Variants in VKORC1L1 observed in about 807,000 individuals in gnomAD.
VKORC1L1 encodes the protein vitamin K epoxide reductase complex subunit 1L1.
VKORC1L1 carries 2 observed loss-of-function variants against 18.9 expected under a neutral mutation model. That is an observed-to-expected ratio of 0.11 (90% CI 0.04 to 0.33). The LOEUF is 0.33. Ranked by LOEUF, VKORC1L1 falls within the 10% of genes least tolerant of loss-of-function variation. VKORC1L1 has a pLI of 1.00. For synonymous variants in VKORC1L1, 96 were observed against 100.0 expected (o/e 0.96, Z 0.24); for missense variants, 123 against 224.1 (o/e 0.55, Z 2.88).
chr7:65,910,535 C>G (rs1789485849), intron 1 of VKORC1L1, among the ~76,000 whole-genome samples: 1 of 152,142 alleles, frequency 6.6e-6, no homozygotes, highest in Admixed American at 6.6e-5. Flanking sequence ...ATCGTTTTAC[C>G]CAGTTCAGAA....
chr7:65,938,647 G>T (rs1319028291), intron 1 of VKORC1L1, among the ~76,000 whole-genome samples: 1 of 152,168 alleles, frequency 6.6e-6, no homozygotes. Flanking sequence ...ACCTCTGAAC[G>T]CAGGATGGTG....
rs950125917 is a variant in VKORC1L1, at chr7:65,873,237, C to CGCGGCG, written c.-121_-116dup. 4.9e-5 allele frequency: 47 copies of CGCGGCG among 964,374 alleles called. No homozygotes were observed. Among genetic ancestry groups the CGCGGCG allele is most frequent in the East Asian group, 2.2e-4 (2 of 9,068 alleles). The allele number at this position is 964,374 out of a possible 1,614,324, so 59.7% of individuals were successfully genotyped here. A position where few individuals can be genotyped will look rare whatever the true frequency, so the allele number is the denominator to read the frequency against. ...GGAGCAGGCCACCGAGCCAATGGGG[C>CGCGGCG]GCGGCGGCGGCGGCGGCGGTGGTGG... is the stretch of plus-strand genomic sequence containing the variant. On this transcript the variant is annotated 5_prime_UTR_variant, in exon 1 of 3. Transcript: ENST00000360768.
upstream of VKORC1L1, among the ~76,000 whole-genome samples, chr7:65,868,699 C>T (rs1788690799): frequency 6.6e-6 from 1 of 152,168 alleles, no homozygotes; most frequent in Admixed American, 6.5e-5. Flanking sequence ...AGGCCATTCT[C>T]CTCAGTGAAA....
intron 1 of VKORC1L1, among the ~76,000 whole-genome samples, chr7:65,902,884 G>A (rs1168548272): frequency 1.3e-5 from 2 of 150,094 alleles, no homozygotes; most frequent in Admixed American, 6.7e-5. Flanking sequence ...TATTTATTTT[G>A]AGATGGAGTT....
intron 1 of VKORC1L1, among the ~76,000 whole-genome samples, chr7:65,919,789 G>A (rs1789646306): frequency 6.6e-6 from 1 of 152,156 alleles, no homozygotes; most frequent in African/African-American, 2.4e-5. Flanking sequence ...CGGGCGCGGT[G>A]GCTCATGCCT....
intron 1 of VKORC1L1, among the ~76,000 whole-genome samples, chr7:65,924,647 C>T (rs1789730090): frequency 6.6e-6 from 1 of 152,180 alleles, no homozygotes; most frequent in African/African-American, 2.4e-5. Flanking sequence ...GTAAAACCTC[C>T]AGGGTATTCC....
At chr7:65,895,488 T>A (rs1228596684) in intron 1 of VKORC1L1, among the ~76,000 whole-genome samples, 468 of 39,728 alleles carry the variant, frequency 0.012, 4 homozygotes, top group Non-Finnish European at 0.015. Context: ...AAAATATATA[T>A]ATATATATAT....
chr7:65,911,132 G>T (rs1246893080), intron 1 of VKORC1L1, among the ~76,000 whole-genome samples: 1 of 152,080 alleles, frequency 6.6e-6, no homozygotes, highest in Non-Finnish European at 1.5e-5. Flanking sequence ...CATCTCTTTG[G>T]ATTCACTTCC....
At chr7:65,904,761 A>T (rs1342853625) in intron 1 of VKORC1L1, among the ~76,000 whole-genome samples, 2 of 152,232 alleles carry the variant, frequency 1.3e-5, no homozygotes, top group African/African-American at 4.8e-5. Context: ...AGATTTAAAC[A>T]GTCTTGGATC....
intron 1 of VKORC1L1, among the ~76,000 whole-genome samples, chr7:65,901,978 A>G (rs936676087): frequency 3.3e-5 from 5 of 152,188 alleles, no homozygotes; most frequent in African/African-American, 1.2e-4. Flanking sequence ...GCTACTCTGG[A>G]TCTACTCTAA....
intron 1 of VKORC1L1, among the ~76,000 whole-genome samples, chr7:65,941,738 G>A (rs777352768): frequency 7.2e-5 from 10 of 139,116 alleles, no homozygotes; most frequent in South Asian, 2.4e-4. Flanking sequence ...GTGCAGTGGC[G>A]TGATCTCGGC....
intron 1 of VKORC1L1, among the ~76,000 whole-genome samples, chr7:65,874,010 A>G (rs1788781315): frequency 6.6e-6 from 1 of 152,122 alleles, no homozygotes; most frequent in Admixed American, 6.5e-5. Flanking sequence ...TGTCCCCCCG[A>G]TCGCTGCAGC....
At chr7:65,895,384 A>C (rs1418023843) in intron 1 of VKORC1L1, among the ~76,000 whole-genome samples, 2 of 141,352 alleles carry the variant, frequency 1.4e-5, no homozygotes, top group African/African-American at 5.2e-5. Context: ...GCACTTTGGG[A>C]GGCTGAGGAT....
intron 1 of VKORC1L1, among the ~76,000 whole-genome samples, chr7:65,943,098 T>C (rs1583864237): frequency 6.6e-6 from 1 of 152,090 alleles, no homozygotes; most frequent in Non-Finnish European, 1.5e-5. Context: ...CAGTGCTAGA[T>C]GATCCAAAAA....
intron 1 of VKORC1L1, among the ~76,000 whole-genome samples, chr7:65,912,838 A>G (rs1438147026): frequency 6.6e-6 from 1 of 152,270 alleles, no homozygotes; most frequent in Non-Finnish European, 1.5e-5. Context: ...TTTTATTAAT[A>G]GATTCAATCA....
intron 1 of VKORC1L1, among the ~76,000 whole-genome samples, chr7:65,938,406 G>A (rs1448343170): frequency 6.6e-6 from 1 of 152,136 alleles, no homozygotes; most frequent in African/African-American, 2.4e-5. Flanking sequence ...TAGAAAAAAA[G>A]ATCAAAGAAA....
At chr7:65,945,481 G>T (rs1444963456) in intron 1 of VKORC1L1, among the ~76,000 whole-genome samples, 1 of 151,994 alleles carries the variant, frequency 6.6e-6, no homozygotes, top group Admixed American at 6.6e-5. Context: ...GCATGGTGGT[G>T]GGCGCCTGTA....
intron 1 of VKORC1L1, among the ~76,000 whole-genome samples, chr7:65,941,375 C>T (rs1192049849): frequency 1.3e-5 from 2 of 152,108 alleles, no homozygotes; most frequent in Admixed American, 1.3e-4. Flanking sequence ...CATGGCCTCC[C>T]AAAGTGCTGG....
chr7:65,928,238 CCT>C (rs1438605140), intron 1 of VKORC1L1, among the ~76,000 whole-genome samples: 1 of 151,194 alleles, frequency 6.6e-6, no homozygotes, highest in Non-Finnish European at 1.5e-5. Context: ...AATCCCTACC[CCT>C]ACCTTTTTTC....
Sources: gnomAD v4.1 joint callset for allele counts (sites outside exome capture counted in the v4.1 genomes callset) on GRCh38, gnomAD v4.1.1 for gene constraint, MANE v1.5 for transcripts, NCBI Gene and HGNC (gene_info 2026-07-23, HGNC 2026-07-21) for gene names.